VPS35L: variants seen among roughly 807,000 people sequenced by gnomAD.
VPS35L encodes VPS35 endosomal protein sorting factor like, also known as VPS35 endosomal protein-sorting factor-like.
A neutral mutation model predicts 133.0 loss-of-function variants in VPS35L; 83 were observed. The ratio of observed to expected loss-of-function variants is 0.62; its 90% CI spans 0.52 to 0.75. The LOEUF (loss-of-function observed/expected upper bound fraction) is 0.75, where lower values mean the gene tolerates loss of function less well. Ranked by LOEUF, VPS35L falls within the 30% of genes least tolerant of loss-of-function variation. VPS35L has a pLI of 0.00. For missense variants in VPS35L, 1,083 were observed against 1,206.8 expected, an observed-to-expected ratio of 0.90 and a Z score of 1.52; for synonymous variants, 423 against 449.9, an observed-to-expected ratio of 0.94 and a Z score of 0.76.
At chr16:19,594,849 G>T (rs226861) in intron 8 of VPS35L, among the ~76,000 whole-genome samples, 122,382 of 151,342 alleles carry the variant, frequency 0.81, 50,135 homozygotes, top group African/African-American at 0.95. Context: ...AGGGGTGCAA[G>T]TTTAAGTAAG....
intron 1 of VPS35L, among the ~76,000 whole-genome samples, chr16:19,564,445 C>CTGGAG (rs1971122444): frequency 6.6e-6 from 1 of 152,076 alleles, no homozygotes; most frequent in African/African-American, 2.4e-5. Context: ...GTGGCCCAGG[C>CTGGAG]TGGAGTGGAG....
rs138612219 is a variant in VPS35L, at chr16:19,665,928, A to G, written c.2222-3232A>G. On this transcript the variant is annotated intron_variant, in intron 26 of 30. Transcript: ENST00000417362. ...GTTTTCATTTGCATTTCTCTGATCA[A>G]TGATGTTGAGCACCTTTTCATATGC... 2.4e-3 allele frequency among the ~76,000 whole-genome samples: 369 copies of G among 151,988 alleles called. 2 individuals carry two copies. Among genetic ancestry groups the G allele is most frequent in the African/African-American group, 8.0e-3 (332 of 41,452 alleles).
chr16:19,611,719 T>G (rs1972726869), intron 12 of VPS35L: 1 of 152,000 alleles, frequency 6.6e-6, no homozygotes, highest in South Asian at 2.1e-4. Flanking sequence ...TCCTCTTCCC[T>G]CTTTGCAGCA....
At chr16:19,558,698 A>G (rs1183228910) in intron 1 of VPS35L, among the ~76,000 whole-genome samples, 3 of 151,942 alleles carry the variant, frequency 2.0e-5, no homozygotes, top group Non-Finnish European at 4.4e-5. Context: ...AGGCGGGTGG[A>G]TCACTTGATG....
intron 15 of VPS35L, 66 bp from the exon 16 acceptor site, chr16:19,627,628 A>T: frequency 8.1e-7 from 1 of 1,237,210 alleles, no homozygotes; most frequent in Non-Finnish European, 1.2e-6. Flanking sequence ...GGCAATATAT[A>T]TTCAAAAATT....
intron 26 of VPS35L, among the ~76,000 whole-genome samples, chr16:19,663,351 GA>G (rs770483610): frequency 1.3e-5 from 2 of 152,104 alleles, no homozygotes; most frequent in Non-Finnish European, 2.9e-5. Context: ...ATCAGTAAGT[GA>G]AAAAATTGGT....
At chr16:19,600,422 T>A (rs917401760) in intron 8 of VPS35L, among the ~76,000 whole-genome samples, 4 of 152,164 alleles carry the variant, frequency 2.6e-5, no homozygotes, top group Admixed American at 2.6e-4. Context: ...AGTTTAGGGG[T>A]CCAGGCTGCC....
intron 3 of VPS35L, among the ~76,000 whole-genome samples, chr16:19,570,298 A>G (rs933618791): frequency 6.6e-6 from 1 of 152,100 alleles, no homozygotes; most frequent in African/African-American, 2.4e-5. Context: ...CTTGACCTCA[A>G]GTGATCCACC....
chr16:19,640,429 A>C (rs1973752687), intron 21 of VPS35L, among the ~76,000 whole-genome samples: 1 of 152,246 alleles, frequency 6.6e-6, no homozygotes, highest in African/African-American at 2.4e-5. Context: ...CCTGGCCAGC[A>C]GCTCCATTTT....
intron 3 of VPS35L, among the ~76,000 whole-genome samples, chr16:19,572,074 C>G (rs942579212): frequency 6.6e-6 from 1 of 152,140 alleles, no homozygotes; most frequent in Non-Finnish European, 1.5e-5. Flanking sequence ...CGAACACACA[C>G]ACATCTTGGT....
At chr16:19,638,192 C>G (rs997757540) in intron 20 of VPS35L, among the ~76,000 whole-genome samples, 1 of 152,206 alleles carries the variant, frequency 6.6e-6, no homozygotes, top group Admixed American at 6.5e-5. Flanking sequence ...TTCTCTGTCT[C>G]TCCCTTCACT....
chr16:19,674,422 C>T (rs541344445), intron 27 of VPS35L, among the ~76,000 whole-genome samples: 1 of 151,922 alleles, frequency 6.6e-6, no homozygotes, highest in South Asian at 2.1e-4. Flanking sequence ...TCTCGAACTC[C>T]TGAGCTCAAG....
At chr16:19,660,372 C>T (rs188730731) in intron 26 of VPS35L, among the ~76,000 whole-genome samples, 20 of 151,598 alleles carry the variant, frequency 1.3e-4, no homozygotes, top group Admixed American at 1.3e-3. Flanking sequence ...TTCTATTCTT[C>T]GATCTTCCTG....
chr16:19,610,451 C>A, intron 12 of VPS35L, 36 bp downstream of exon 12: 1 of 1,538,216 alleles, frequency 6.5e-7, no homozygotes, highest in Non-Finnish European at 8.9e-7. Context: ...GACGGCACGG[C>A]TGCCACCCGT....
intron 23 of VPS35L, among the ~76,000 whole-genome samples, chr16:19,646,750 G>C (rs928673668): frequency 6.6e-6 from 1 of 152,094 alleles, no homozygotes; most frequent in Non-Finnish European, 1.5e-5. Flanking sequence ...AGTCTTGAGG[G>C]GACCCAGTCT....
intron 14 of VPS35L, among the ~76,000 whole-genome samples, chr16:19,622,100 G>T (rs1973100693): frequency 6.7e-6 from 1 of 148,794 alleles, no homozygotes. Flanking sequence ...GTCATCCCTT[G>T]GTATACTTAG....
In VPS35L at chr16:19,569,581, C is replaced by T; in HGVS notation, c.275C>T (p.Ala92Val). ...FAATADPAALAAAMDSSRRKR... is the reference protein window; with the variant it reads ...FAATADPAALVAAMDSSRRKR... Reference sequence around the variant, plus strand: ...GCCACTGCTGACCCCGCAGCCTTGGCAGCTGCCATGGTAATGCACCCCAGC... The same window carrying T: ...GCCACTGCTGACCCCGCAGCCTTGGTAGCTGCCATGGTAATGCACCCCAGC... The change falls in exon 3 of 31, where the codon GCA (alanine) becomes GTA (valine). Residue 92 changes from alanine (A) to valine (V), a missense_variant. Ala to Val is a moderately conservative substitution (Grantham distance 64). Transcript: ENST00000417362. The T allele has an allele frequency of 6.4e-7, 1 of 1,550,458 alleles. No individual in the cohort carries two copies. The highest frequency in any genetic ancestry group is 8.7e-7 in the Non-Finnish European group (1 of 1,149,810).
chr16:19,555,857 C>G, intron 1 of VPS35L, 111 bp downstream of exon 1: 1 of 1,418,570 alleles, frequency 7.0e-7, no homozygotes, highest in Non-Finnish European at 9.4e-7. Flanking sequence ...GGTGGTCGAC[C>G]GGCCACCCCC....
At chr16:19,572,292 C>T (rs898313082) in intron 3 of VPS35L, among the ~76,000 whole-genome samples, 2 of 152,116 alleles carry the variant, frequency 1.3e-5, no homozygotes, top group African/African-American at 4.8e-5. Flanking sequence ...GTGGCGGGCA[C>T]CTGTAATCCC....
Sources: gnomAD v4.1 joint callset for allele counts (sites outside exome capture counted in the v4.1 genomes callset) on GRCh38, gnomAD v4.1.1 for gene constraint, MANE v1.5 for transcripts, NCBI Gene and HGNC (gene_info 2026-07-23, HGNC 2026-07-21) for gene names.